NEDD4L: variants seen among roughly 807,000 people sequenced by gnomAD.
NEDD4L encodes E3 ubiquitin-protein ligase NEDD4-like.
NEDD4L carries 54 observed loss-of-function variants against 148.9 expected under a neutral mutation model. The observed-to-expected ratio is 0.36, with a 90% CI of 0.29 to 0.45. The LOEUF (loss-of-function observed/expected upper bound fraction) is 0.45. Ranked by LOEUF, NEDD4L falls within the 20% of genes least tolerant of loss-of-function variation. The probability of loss-of-function intolerance (pLI) is 1.00; values close to 1 mark genes in which losing one functional copy is unlikely to be tolerated. For synonymous variants in NEDD4L, 433 were observed against 440.7 expected (o/e 0.98, Z 0.22); for missense variants, 856 against 1,233.8 (o/e 0.69, Z 4.59).
intron 24 of NEDD4L, among the ~76,000 whole-genome samples, chr18:58,375,488 A>C (rs752139637): frequency 6.6e-6 from 1 of 152,062 alleles, no homozygotes; most frequent in Non-Finnish European, 1.5e-5. Flanking sequence ...CATAATCCAG[A>C]CCTACCCCCC....
chr18:58,232,517 G>C (rs932017277), intron 2 of NEDD4L, among the ~76,000 whole-genome samples: 1 of 152,166 alleles, frequency 6.6e-6, no homozygotes, highest in South Asian at 2.1e-4. Flanking sequence ...CTTTCTTCTT[G>C]ATAGTGCATG....
intron 1 of NEDD4L, among the ~76,000 whole-genome samples, chr18:58,144,232 C>A (rs761504548): frequency 2.4e-4 from 36 of 151,974 alleles, no homozygotes; most frequent in Admixed American, 8.5e-4. Flanking sequence ...TGGCTCTGCA[C>A]GCTGTACTGG....
chr18:58,330,915 G>T lies in NEDD4L; in HGVS notation c.990+1G>T. ...TGGGGAACAGTTCAGCTCTTTGATT[G>T]TAAGTAGTGGCCTTGTTTGAAAGAA... On this transcript the variant is annotated splice_donor_variant, in intron 11 of 30. Transcript: ENST00000400345. LOFTEE classifies it high-confidence loss of function. 1.2e-6 allele frequency: 2 copies of T among 1,612,472 alleles called. No individual in the cohort carries two copies. Among genetic ancestry groups the T allele is most frequent in the Non-Finnish European group, 1.7e-6 (2 of 1,178,908 alleles).
At chr18:58,155,252 C>A (rs1239816480) in intron 1 of NEDD4L, among the ~76,000 whole-genome samples, 1 of 138,404 alleles carries the variant, frequency 7.2e-6, no homozygotes, top group African/African-American at 2.8e-5. Flanking sequence ...ATAGTAATTG[C>A]GACTATCTTG....
intron 2 of NEDD4L, among the ~76,000 whole-genome samples, chr18:58,220,589 A>C (rs1015177453): frequency 2.0e-5 from 3 of 152,142 alleles, no homozygotes; most frequent in African/African-American, 7.2e-5. Context: ...GGGAACTGCA[A>C]GTCTAGTTTA....
intron 22 of NEDD4L, among the ~76,000 whole-genome samples, chr18:58,368,454 T>C (rs2046396894): frequency 6.6e-6 from 1 of 152,170 alleles, no homozygotes; most frequent in South Asian, 2.1e-4. Flanking sequence ...TCTAAAAGAT[T>C]TGGCCAATTC....
At chr18:58,139,774 A>C (rs2033285577) in intron 1 of NEDD4L, among the ~76,000 whole-genome samples, 1 of 152,042 alleles carries the variant, frequency 6.6e-6, no homozygotes, top group Non-Finnish European at 1.5e-5. Flanking sequence ...TAACCTCCCA[A>C]AGGGAGGAAG....
intron 2 of NEDD4L, among the ~76,000 whole-genome samples, chr18:58,178,899 C>A (rs1016596267): frequency 6.6e-6 from 1 of 152,114 alleles, no homozygotes; most frequent in Non-Finnish European, 1.5e-5. Flanking sequence ...AGTAGAGAAA[C>A]ATGTGGAAGA....
chr18:58,387,780 A>G (rs2049241107), intron 27 of NEDD4L: 1 of 300,118 alleles, frequency 3.3e-6, no homozygotes, highest in Non-Finnish European at 6.1e-6. Flanking sequence ...TAGTAAGTAG[A>G]GGCCACTGAG....
chr18:58,063,944 T>C (rs2082463296), intron 1 of NEDD4L, among the ~76,000 whole-genome samples: 1 of 120,114 alleles, frequency 8.3e-6, no homozygotes, highest in East Asian at 2.6e-4. Context: ...TTTACTATAA[T>C]GTTTCTTTTT....
chr18:58,214,559 A>G (rs554369226), intron 2 of NEDD4L, among the ~76,000 whole-genome samples: 25 of 151,476 alleles, frequency 1.7e-4, no homozygotes, highest in Non-Finnish European at 1.5e-4. Context: ...AAAGACTTAG[A>G]ACAGTGCTGT....
intron 5 of NEDD4L, among the ~76,000 whole-genome samples, chr18:58,276,195 T>C (rs543607308): frequency 1.4e-5 from 1 of 71,690 alleles, no homozygotes; most frequent in Non-Finnish European, 2.7e-5. Flanking sequence ...TTCTTTTTCG[T>C]TTTTTTTTTT....
intron 5 of NEDD4L, among the ~76,000 whole-genome samples, chr18:58,291,887 C>G (rs1439112066): frequency 6.6e-6 from 1 of 152,148 alleles, no homozygotes; most frequent in Non-Finnish European, 1.5e-5. Flanking sequence ...TTCCAGCCAC[C>G]CCCTTCCCAA....
At chr18:58,145,393 G>T (rs1460803527) in intron 1 of NEDD4L, among the ~76,000 whole-genome samples, 2 of 152,066 alleles carry the variant, frequency 1.3e-5, no homozygotes, top group South Asian at 2.1e-4. Flanking sequence ...ATATACCGTG[G>T]GTATCTTCCT....
rs189634720 is a variant in NEDD4L at position 58,273,221 on chromosome 18, A to C, written c.297+21167A>C. 8.3e-4 allele frequency among the ~76,000 whole-genome samples: 127 copies of C among 152,372 alleles called. No homozygotes were observed. In the East Asian group the frequency reaches 0.017, roughly 20 times the overall value. ...CTGGATTGTTCACGCTGTAGAACAC[A>C]GTCATGCATCTGATATATAAATAGC... On this transcript the variant is annotated intron_variant, in intron 5 of 30. Transcript: ENST00000400345.
At chr18:58,072,556 TAGTA>T (rs1172499023) in intron 1 of NEDD4L, among the ~76,000 whole-genome samples, 1 of 152,186 alleles carries the variant, frequency 6.6e-6, no homozygotes, top group Non-Finnish European at 1.5e-5. Context: ...AACTATCAAC[TAGTA>T]ATAGAAGGAA....
intron 5 of NEDD4L, among the ~76,000 whole-genome samples, chr18:58,280,842 A>G (rs1182892147): frequency 6.6e-6 from 1 of 152,232 alleles, no homozygotes; most frequent in Non-Finnish European, 1.5e-5. Context: ...ATTGTGACCT[A>G]TTTGAGGGTC....
chr18:58,131,085 G>A (rs1464869511), intron 1 of NEDD4L, among the ~76,000 whole-genome samples: 1 of 127,882 alleles, frequency 7.8e-6, no homozygotes, highest in Non-Finnish European at 1.7e-5. Context: ...TTGGGCTCTG[G>A]ATTTGGTTGG....
At position 58,377,446 on chromosome 18, in the gene NEDD4L, G is replaced by C. The variant is rs531021851; in HGVS notation, c.2352+4177G>C. On this transcript the variant is annotated intron_variant, in intron 24 of 30. Transcript: ENST00000400345. ...TATCAGACCATGAAGTTTGGTAGCT[G>C]TTCCTTCATGTAATGAAGCTGCAGC... Among the ~76,000 whole-genome samples the C allele has an allele frequency of 5.9e-5, 9 of 152,166 alleles. No homozygotes were observed. The South Asian group carries it at 1.9e-3, about 32-fold the overall frequency.
Sources: allele counts gnomAD v4.1 joint callset (sites outside exome capture counted in the v4.1 genomes callset), GRCh38; gene constraint gnomAD v4.1.1; transcripts MANE v1.5; gene names NCBI Gene and HGNC (gene_info 2026-07-23, HGNC 2026-07-21).